MCUB: variants seen among roughly 807,000 people sequenced by gnomAD.
The protein encoded by MCUB is mitochondrial calcium uniporter dominant negative subunit beta.
Under a neutral mutation model 41.4 loss-of-function variants are expected in MCUB, and 46 were observed. The ratio of observed to expected loss-of-function variants is 1.11; its 90% confidence interval spans 0.88 to 1.42. The LOEUF is 1.42. Among genes scored for constraint, MCUB ranks in the 40% most tolerant of loss-of-function variants. The pLI is 0.00. For synonymous variants in MCUB, 148 were observed against 148.2 expected, an observed-to-expected ratio of 1.00 and a Z score of 0.01; for missense variants, 403 against 404.9, an observed-to-expected ratio of 1.00 and a Z score of 0.04.
chr4:109,576,201 A>G (rs1344952447), intron 1 of MCUB, among the ~76,000 whole-genome samples: 1 of 152,212 alleles, frequency 6.6e-6, no homozygotes, highest in Non-Finnish European at 1.5e-5. Context: ...ATAACACTCC[A>G]GTTCCTGATC....
In MCUB at chr4:109,656,354, CTTTTTTTTTTTTTTTTTTT is replaced by C. The variant is rs752851425; in HGVS notation, c.100-2637_100-2619del. Among the ~76,000 whole-genome samples, 20 of 62,092 alleles carry C rather than the reference CTTTTTTTTTTTTTTTTTTT, an allele frequency of 3.2e-4. 2 individuals carry two copies. The highest frequency in any genetic ancestry group is 6.9e-4 in the South Asian group (1 of 1,446). 40.7% of individuals were successfully genotyped at this position (62,092 alleles called of 152,430 possible). A position where few individuals can be genotyped will look rare whatever the true frequency, so the allele number is the denominator to read the frequency against. On this transcript the variant is annotated intron_variant, in intron 1 of 7. Transcript: ENST00000394650. ...GAGGGGCTCTAACTTTTACTCTCTA[CTTTTTTTTTTTTTTTTTTT>C]TTTTTTTTTTTTTTTTTTTGGAGAC... is the stretch of plus-strand genomic sequence containing the variant.
chr4:109,615,565 G>A (rs1411236226), intron 1 of MCUB, among the ~76,000 whole-genome samples: 2 of 151,680 alleles, frequency 1.3e-5, no homozygotes, highest in Non-Finnish European at 2.9e-5. Context: ...CACCACCTAC[G>A]CCCGGCTAAT....
intron 1 of MCUB, among the ~76,000 whole-genome samples, chr4:109,653,114 C>T (rs6831185): frequency 0.24 from 36,286 of 152,108 alleles, 4,560 homozygotes; most frequent in South Asian, 0.27. Flanking sequence ...TGGTGGCTCA[C>T]GCCTGTAATC....
chr4:109,678,429 C>G (rs1729624300), intron 4 of MCUB, among the ~76,000 whole-genome samples: 1 of 149,786 alleles, frequency 6.7e-6, no homozygotes, highest in Non-Finnish European at 1.5e-5. Context: ...TCCTCACTTC[C>G]CAGATGATGG....
intron 1 of MCUB, among the ~76,000 whole-genome samples, chr4:109,623,170 CAGTG>C (rs1226613114): frequency 6.6e-6 from 1 of 152,140 alleles, no homozygotes; most frequent in African/African-American, 2.4e-5. Context: ...AGAAGTGAAT[CAGTG>C]AGGCAGTGAA....
intron 1 of MCUB, among the ~76,000 whole-genome samples, chr4:109,638,218 ATGG>A (rs1270678703): frequency 6.6e-6 from 1 of 152,066 alleles, no homozygotes; most frequent in Non-Finnish European, 1.5e-5. Flanking sequence ...TTAGCTGGAC[ATGG>A]TGGCGCATGC....
At chr4:109,657,852 A>G (rs972387198) in intron 1 of MCUB, among the ~76,000 whole-genome samples, 13 of 152,270 alleles carry the variant, frequency 8.5e-5, no homozygotes, top group Non-Finnish European at 8.8e-5. Context: ...GCTGTCCAAT[A>G]GAACTTTCTG....
chr4:109,640,935 C>T (rs1728699447), intron 1 of MCUB, among the ~76,000 whole-genome samples: 1 of 152,170 alleles, frequency 6.6e-6, no homozygotes, highest in Non-Finnish European at 1.5e-5. Context: ...TTAATTATTT[C>T]TAGATTTTGA....
intron 1 of MCUB, among the ~76,000 whole-genome samples, chr4:109,615,826 G>A (rs994418345): frequency 2.0e-5 from 3 of 152,188 alleles, no homozygotes; most frequent in African/African-American, 7.2e-5. Context: ...GTGAAAGATT[G>A]TCTCTTTTCT....
intron 4 of MCUB, among the ~76,000 whole-genome samples, chr4:109,666,614 TC>T (rs1203723813): frequency 6.6e-6 from 1 of 152,222 alleles, no homozygotes; most frequent in African/African-American, 2.4e-5. Context: ...TCTTTTCAGA[TC>T]TTTGCCCATT....
At chr4:109,577,982 G>C (rs1727073991) in intron 1 of MCUB, among the ~76,000 whole-genome samples, 1 of 152,154 alleles carries the variant, frequency 6.6e-6, no homozygotes, top group Non-Finnish European at 1.5e-5. Flanking sequence ...AGCCACATCA[G>C]TTTTATGTGG....
At chr4:109,565,016 A>T (rs1409223314) in intron 1 of MCUB, among the ~76,000 whole-genome samples, 2 of 152,238 alleles carry the variant, frequency 1.3e-5, no homozygotes, top group Non-Finnish European at 2.9e-5. Flanking sequence ...AACAAGAAAG[A>T]GACTGGTCTG....
intron 1 of MCUB, among the ~76,000 whole-genome samples, chr4:109,583,416 T>C (rs1004233570): frequency 4.6e-5 from 7 of 152,228 alleles, no homozygotes; most frequent in Admixed American, 4.6e-4. Context: ...CATTTTTGTA[T>C]CCTGAGAGTT....
At position 109,610,312 on chromosome 4, in the gene MCUB, T is replaced by C. The variant is rs570418084; in HGVS notation, c.100-48699T>C. On this transcript the variant is annotated intron_variant, in intron 1 of 7. Transcript: ENST00000394650. Reference sequence around the variant, plus strand: ...CTGATTTTTGGTTCTTATAAAGGTGTCTTTTTTGTGTAGATGCTAAATTTG... The same window carrying C: ...CTGATTTTTGGTTCTTATAAAGGTGCCTTTTTTGTGTAGATGCTAAATTTG... 1.1e-4 allele frequency among the ~76,000 whole-genome samples: 17 copies of C among 152,306 alleles called. No individual in the cohort carries two copies. In the East Asian group the frequency reaches 2.9e-3, roughly 26 times the overall value.
chr4:109,578,847 A>T lies in MCUB; in HGVS notation c.99+18411A>T, dbSNP rs141668900. 4.8e-3 allele frequency among the ~76,000 whole-genome samples: 733 copies of T among 152,308 alleles called. 4 individuals carry two copies. The highest frequency in any genetic ancestry group is 0.016 in the African/African-American group (672 of 41,564). ...TTGAAGCACAGAAATAGACATGGGCAAACTGAAGATGAACCCTATGAAGGA... is the reference window on the plus strand; with the variant it reads ...TTGAAGCACAGAAATAGACATGGGCTAACTGAAGATGAACCCTATGAAGGA... On this transcript the variant is annotated intron_variant, in intron 1 of 7. Transcript: ENST00000394650.
chr4:109,565,056 A>G (rs1044195283), intron 1 of MCUB, among the ~76,000 whole-genome samples: 4 of 152,220 alleles, frequency 2.6e-5, no homozygotes, highest in African/African-American at 9.6e-5. Flanking sequence ...TACTTAGAAC[A>G]TATTTGTTCA....
At chr4:109,618,658 A>G (rs1728180318) in intron 1 of MCUB, among the ~76,000 whole-genome samples, 1 of 152,246 alleles carries the variant, frequency 6.6e-6, no homozygotes, top group South Asian at 2.1e-4. Context: ...ATTAGCAAAG[A>G]TACAAAATCA....
At chr4:109,650,993 C>T (rs1456502963) in intron 1 of MCUB, among the ~76,000 whole-genome samples, 1 of 152,164 alleles carries the variant, frequency 6.6e-6, no homozygotes. Flanking sequence ...ATGATTTCAA[C>T]TCACCCCATT....
intron 1 of MCUB, among the ~76,000 whole-genome samples, chr4:109,634,022 C>T (rs1384546587): frequency 6.6e-6 from 1 of 152,114 alleles, no homozygotes; most frequent in Non-Finnish European, 1.5e-5. Context: ...AAAGAAATCT[C>T]ACCAAGGAGA....
Sources: gnomAD v4.1 joint callset for allele counts (sites outside exome capture counted in the v4.1 genomes callset) on GRCh38, gnomAD v4.1.1 for gene constraint, MANE v1.5 for transcripts, NCBI Gene and HGNC (gene_info 2026-07-23, HGNC 2026-07-21) for gene names.